The following UNC13C variants were observed in gnomAD, a reference collection of about 807,000 sequenced individuals.
UNC13C encodes protein unc-13 homolog C.
A neutral mutation model predicts 245.4 loss-of-function variants in UNC13C; 174 were observed. The observed-to-expected ratio is 0.71, with a 90% CI of 0.63 to 0.80. The LOEUF (loss-of-function observed/expected upper bound fraction) is 0.80, where lower values mean the gene tolerates loss of function less well. Ranked by LOEUF, UNC13C falls within the 30% of genes least tolerant of loss-of-function variation. The pLI is 0.00. For synonymous variants in UNC13C, 992 were observed against 895.1 expected (o/e 1.11, Z -1.93); for missense variants, 2,829 against 2,602.9 (o/e 1.09, Z -1.89).
chr15:54,294,110 C>G, intron 11 of UNC13C, 46 bp downstream of exon 11: 1 of 1,442,902 alleles, frequency 6.9e-7, no homozygotes, highest in Non-Finnish European at 9.1e-7. Flanking sequence ...AATAAAACCC[C>G]TGAATACCTG....
chr15:54,429,719 C>A (rs1392880261), intron 19 of UNC13C, among the ~76,000 whole-genome samples: 1 of 151,502 alleles, frequency 6.6e-6, no homozygotes, highest in Non-Finnish European at 1.5e-5. Context: ...TATTTATCTC[C>A]ATGGGAATTT....
chr15:54,235,141 C>T (rs747639161), intron 5 of UNC13C, 33 bp downstream of exon 5: 20 of 1,588,590 alleles, frequency 1.3e-5, no homozygotes, highest in Middle Eastern at 1.7e-4. Flanking sequence ...TCTTCGATTG[C>T]ATGTGTGGTT....
rs188061295 is a variant in UNC13C, at chr15:54,386,108, G to A, written c.4714-6940G>A. On this transcript the variant is annotated intron_variant, in intron 17 of 32. Coordinates refer to ENST00000260323, the MANE Select transcript of UNC13C (RefSeq NM_001080534.3). ...TTATTAATGTGAGGTGATGGTTGCCGTCTGTATATATAAACTCAACCAGGT... is the reference window on the plus strand; with the variant it reads ...TTATTAATGTGAGGTGATGGTTGCCATCTGTATATATAAACTCAACCAGGT... Among the ~76,000 whole-genome samples, 20 of 152,190 alleles carry A rather than the reference G, an allele frequency of 1.3e-4. No individual in the cohort carries two copies. In the East Asian group the frequency reaches 1.9e-3, roughly 15 times the overall value.
At chr15:54,345,574 G>A (rs1445669394) in intron 17 of UNC13C, among the ~76,000 whole-genome samples, 1 of 152,048 alleles carries the variant, frequency 6.6e-6, no homozygotes, top group African/African-American at 2.4e-5. Flanking sequence ...TCGGACTTTG[G>A]GTGTTTAAGA....
chr15:54,301,934 A>G (rs372292177), intron 13 of UNC13C, among the ~76,000 whole-genome samples: 138 of 152,274 alleles, frequency 9.1e-4, no homozygotes, highest in African/African-American at 3.2e-3. Flanking sequence ...ATTTCTCCAC[A>G]TCCTCTCCAG....
intron 19 of UNC13C, among the ~76,000 whole-genome samples, chr15:54,492,946 C>T (rs2141085415): frequency 1.3e-5 from 2 of 152,278 alleles, no homozygotes; most frequent in South Asian, 4.1e-4. Context: ...TGGTGTTACT[C>T]ACAAGAGGAA....
intron 17 of UNC13C, among the ~76,000 whole-genome samples, chr15:54,368,252 GA>G (rs1183610410): frequency 1.3e-5 from 2 of 152,070 alleles, no homozygotes; most frequent in East Asian, 1.9e-4. Context: ...GTTATCTAAA[GA>G]ATGAATTGTT....
chr15:54,350,662 C>G (rs2038962139), intron 17 of UNC13C, among the ~76,000 whole-genome samples: 1 of 152,176 alleles, frequency 6.6e-6, no homozygotes, highest in Non-Finnish European at 1.5e-5. Context: ...GTATAAAACT[C>G]AGATTTAATG....
chr15:54,143,220 G>A (rs1214338809), intron 3 of UNC13C, among the ~76,000 whole-genome samples, 180 bp downstream of exon 3: 2 of 152,108 alleles, frequency 1.3e-5, no homozygotes, highest in Non-Finnish European at 2.9e-5. Context: ...TTATGGAGAG[G>A]TCACACCTTG....
chr15:54,093,599 C>T (rs766617986), intron 2 of UNC13C, among the ~76,000 whole-genome samples: 4 of 152,182 alleles, frequency 2.6e-5, no homozygotes, highest in Non-Finnish European at 5.9e-5. Context: ...ACCAAATGCA[C>T]GTGGGTGCTG....
chr15:54,219,878 A>C (rs1222190809), intron 4 of UNC13C, among the ~76,000 whole-genome samples: 1 of 152,010 alleles, frequency 6.6e-6, no homozygotes, highest in African/African-American at 2.4e-5. Context: ...GAGAAATGCA[A>C]ATCAAAACCA....
Position 54,622,388 on chromosome 15 carries a change from A to G in UNC13C, c.6168A>G (p.Pro2056=). ...TTCATGTGGACATCACTGCCACCCC[A>G]GGAACGGGAGATCATAAAGTCACTG... ...ISVHVDITAT[P]GTGDHKVTVK... Residue 2056 remains proline (P), a synonymous_variant, in exon 31 of 33, where the codon CCA becomes CCG. Transcript: ENST00000260323. 1.2e-6 allele frequency: 2 copies of G among 1,613,296 alleles called. No individual in the cohort carries two copies. Among genetic ancestry groups the G allele is most frequent in the African/African-American group, 1.3e-5 (1 of 75,010 alleles).
intron 32 of UNC13C, among the ~76,000 whole-genome samples, chr15:54,626,014 G>T (rs962233365): frequency 2.0e-5 from 3 of 152,058 alleles, no homozygotes; most frequent in Non-Finnish European, 4.4e-5. Flanking sequence ...AAATCAAAAT[G>T]TTTCATCAGA....
At chr15:53,998,833 CT>C (rs985316601) in intron 1 of UNC13C, among the ~76,000 whole-genome samples, 36 of 151,718 alleles carry the variant, frequency 2.4e-4, no homozygotes, top group African/African-American at 7.5e-4. Context: ...TGTTAAGTGC[CT>C]TTTTTTTCTT....
chr15:54,429,408 T>A (rs1455899303), intron 19 of UNC13C, among the ~76,000 whole-genome samples: 1 of 151,784 alleles, frequency 6.6e-6, no homozygotes, highest in Non-Finnish European at 1.5e-5. Context: ...TAATGATTTC[T>A]AATGTTATCA....
chr15:54,515,145 GT>G (rs557947643), intron 24 of UNC13C, among the ~76,000 whole-genome samples: 1 of 152,014 alleles, frequency 6.6e-6, no homozygotes, highest in East Asian at 1.9e-4. Context: ...TACAGAGTCT[GT>G]TTTTTTAAAA....
chr15:54,047,710 T>A (rs77197348), intron 2 of UNC13C, among the ~76,000 whole-genome samples: 2,156 of 152,284 alleles, frequency 0.014, 49 homozygotes, highest in African/African-American at 0.05. Flanking sequence ...GAACTTTGGC[T>A]TATAAGTATC....
At chr15:54,135,630 G>T (rs2031688336) in intron 2 of UNC13C, among the ~76,000 whole-genome samples, 1 of 152,050 alleles carries the variant, frequency 6.6e-6, no homozygotes, top group Non-Finnish European at 1.5e-5. Flanking sequence ...TTTTATTTCT[G>T]AGCTCTCTCT....
At chr15:54,328,556 C>T (rs1596228836) in intron 14 of UNC13C, among the ~76,000 whole-genome samples, 2 of 152,158 alleles carry the variant, frequency 1.3e-5, no homozygotes, top group African/African-American at 4.8e-5. Flanking sequence ...TTAAATTCAT[C>T]CCTGCTGTTG....
Sources: gnomAD v4.1 joint callset for allele counts (sites outside exome capture counted in the v4.1 genomes callset) on GRCh38, gnomAD v4.1.1 for gene constraint, MANE v1.5 for transcripts, NCBI Gene and HGNC (gene_info 2026-07-23, HGNC 2026-07-21) for gene names.